Variants in ATP11B observed in about 807,000 individuals in gnomAD.
The protein encoded by ATP11B is ATPase phospholipid transporting 11B (putative).
Under a neutral mutation model 157.8 loss-of-function variants are expected in ATP11B, and 81 were observed. The ratio of observed to expected loss-of-function variants is 0.51; its 90% CI spans 0.43 to 0.62. The LOEUF is 0.62. Ranked by LOEUF, ATP11B falls within the 20% of genes least tolerant of loss-of-function variation. ATP11B has a pLI of 0.00. For missense variants in ATP11B, 1,165 were observed against 1,402.2 expected (o/e 0.83, Z 2.70); for synonymous variants, 451 against 469.4 (o/e 0.96, Z 0.51).
chr3:182,860,069 A>T (rs1441539462), intron 12 of ATP11B, among the ~76,000 whole-genome samples: 2 of 150,736 alleles, frequency 1.3e-5, no homozygotes, highest in Admixed American at 1.3e-4. Context: ...CTTTACCATC[A>T]CCCTGGAAAT....
intron 1 of ATP11B, among the ~76,000 whole-genome samples, chr3:182,811,554 C>T (rs182363541): frequency 6.6e-6 from 1 of 152,188 alleles, no homozygotes; most frequent in African/African-American, 2.4e-5. Context: ...TTTGGCTCAT[C>T]CCCCCAGAAG....
chr3:182,835,774 C>A (rs1461818464), intron 4 of ATP11B, among the ~76,000 whole-genome samples: 1 of 152,084 alleles, frequency 6.6e-6, no homozygotes, highest in Non-Finnish European at 1.5e-5. Context: ...ATAAAGGTGA[C>A]ATCGAAGGAG....
At chr3:182,912,856 G>A (rs931418719) in intron 28 of ATP11B, among the ~76,000 whole-genome samples, 8 of 152,142 alleles carry the variant, frequency 5.3e-5, no homozygotes, top group Admixed American at 3.3e-4. Context: ...CAAAAGATGT[G>A]TTACGTAGGA....
chr3:182,916,586 G>A (rs531791439), intron 29 of ATP11B: 77 of 985,250 alleles, frequency 7.8e-5, no homozygotes, highest in Non-Finnish European at 9.0e-5. Flanking sequence ...TTTTCTGTTC[G>A]TGTATTACTA....
At chr3:182,898,378 G>A (rs1006721074) in intron 27 of ATP11B, among the ~76,000 whole-genome samples, 15 of 152,164 alleles carry the variant, frequency 9.9e-5, no homozygotes, top group South Asian at 2.1e-4. Context: ...CTAAGATAGG[G>A]TTATCTGGTC....
intron 14 of ATP11B, among the ~76,000 whole-genome samples, chr3:182,866,817 A>G (rs1000622159): frequency 6.8e-6 from 1 of 146,356 alleles, no homozygotes; most frequent in Non-Finnish European, 1.5e-5. Context: ...ATATATTTTT[A>G]TATACATTTT....
chr3:182,865,456 G>A lies in ATP11B; in HGVS notation c.1201G>A (p.Val401Ile). ...TSDLNEELGQ[V>I]EYVFTDKTGT... Reference sequence around the variant, plus strand: ...TTTCTTTTGTTTTCTATCTCTATAGGTAGAGTACGTGTTTACAGATAAAAC... The same window carrying A: ...TTTCTTTTGTTTTCTATCTCTATAGATAGAGTACGTGTTTACAGATAAAAC... Residue 401 changes from valine (V) to isoleucine (I), a missense_variant and splice_region_variant, in exon 13 of 30, where the codon GTA (valine) becomes ATA (isoleucine). Val to Ile is a conservative substitution (Grantham distance 29, BLOSUM62 3). Transcript: ENST00000323116. 6.2e-7 allele frequency: 1 copy of A among 1,613,088 alleles called. No homozygotes were observed. The highest frequency in any genetic ancestry group is 8.5e-7 in the Non-Finnish European group (1 of 1,179,464).
intron 17 of ATP11B, 108 bp from the exon 18 acceptor site, chr3:182,872,248 A>G: frequency 1.4e-6 from 1 of 729,666 alleles, no homozygotes; most frequent in Non-Finnish European, 2.3e-6. Context: ...ATGATTTGTG[A>G]TTGACTTTTG....
At chr3:182,813,099 T>G (rs1560058856) in intron 1 of ATP11B, among the ~76,000 whole-genome samples, 1 of 152,216 alleles carries the variant, frequency 6.6e-6, no homozygotes, top group Admixed American at 6.5e-5. Flanking sequence ...ATACCACATT[T>G]TGTTTATTCA....
At chr3:182,890,615 C>T (rs1490969528) in intron 25 of ATP11B, among the ~76,000 whole-genome samples, 1 of 152,128 alleles carries the variant, frequency 6.6e-6, no homozygotes, top group Non-Finnish European at 1.5e-5. Flanking sequence ...ATAATTGCCA[C>T]TTCACTTTTG....
chr3:182,859,526 G>T (rs1429595344), intron 12 of ATP11B, among the ~76,000 whole-genome samples, 167 bp downstream of exon 12: 1 of 151,772 alleles, frequency 6.6e-6, no homozygotes, highest in South Asian at 2.1e-4. Context: ...TGTTTCTTTT[G>T]TTATTTACCA....
chr3:182,872,492 T>C lies in ATP11B; in HGVS notation c.2003T>C (p.Ile668Thr). Reference protein sequence around the residue: ...EEKLAAVFQFIEKDLILLGAT... With the variant: ...EEKLAAVFQFTEKDLILLGAT... ...AAATTGGCAGCTGTTTTCCAGTTCA[T>C]AGAGAAAGACCTGATATTACTTGGA... The change falls in exon 18 of 30, where the codon ATA becomes ACA. Residue 668 changes from isoleucine (I) to threonine (T), a missense_variant. Ile to Thr is a moderately conservative substitution (Grantham distance 89, BLOSUM62 -1). This residue lies in a region of ATP11B where 737 missense variants were observed against 930.5 expected (regional missense o/e 0.79). Coordinates refer to ENST00000323116, the MANE Select transcript of ATP11B (RefSeq NM_014616.3). The C allele has an allele frequency of 6.2e-7, 1 of 1,614,098 alleles. No individual in the cohort carries two copies. Among genetic ancestry groups the C allele is most frequent in the Non-Finnish European group, 8.5e-7 (1 of 1,179,984 alleles).
chr3:182,822,145 T>C (rs956893956), intron 2 of ATP11B, among the ~76,000 whole-genome samples: 3 of 152,076 alleles, frequency 2.0e-5, no homozygotes, highest in African/African-American at 7.2e-5. Flanking sequence ...ATACTTTAAG[T>C]TCTAGGGTAC....
At chr3:182,882,147 G>A (rs185476031) in intron 21 of ATP11B, among the ~76,000 whole-genome samples, 2 of 152,256 alleles carry the variant, frequency 1.3e-5, no homozygotes, top group East Asian at 1.9e-4. Flanking sequence ...TCTCTATAAT[G>A]TGCTGGATGG....
intron 25 of ATP11B, among the ~76,000 whole-genome samples, chr3:182,892,151 A>C (rs1723217681): frequency 6.6e-6 from 1 of 152,134 alleles, no homozygotes; most frequent in Non-Finnish European, 1.5e-5. Flanking sequence ...CTCTAATTCT[A>C]AAACATTGCT....
At chr3:182,872,975 T>C (rs186038148) in intron 18 of ATP11B, among the ~76,000 whole-genome samples, 145 of 152,348 alleles carry the variant, frequency 9.5e-4, no homozygotes, top group African/African-American at 3.2e-3. Context: ...ACCATCCCTC[T>C]GTGACTACCT....
At chr3:182,821,522 T>C (rs965757480) in intron 2 of ATP11B, among the ~76,000 whole-genome samples, 1 of 152,216 alleles carries the variant, frequency 6.6e-6, no homozygotes, top group African/African-American at 2.4e-5. Flanking sequence ...TTATATATTC[T>C]TCCTTGTTTC....
intron 2 of ATP11B, among the ~76,000 whole-genome samples, chr3:182,822,459 A>G (rs924976767): frequency 6.6e-6 from 1 of 152,078 alleles, no homozygotes; most frequent in African/African-American, 2.4e-5. Flanking sequence ...ATCCTTTTTT[A>G]TGGCTGCATA....
chr3:182,843,985 A>C (rs549425612), intron 8 of ATP11B: 3 of 152,306 alleles, frequency 2.0e-5, no homozygotes, highest in African/African-American at 7.2e-5. Context: ...TTTGATTTTT[A>C]TAGGGAAATA....
Sources: allele counts gnomAD v4.1 joint callset (sites outside exome capture counted in the v4.1 genomes callset), GRCh38; gene constraint gnomAD v4.1.1; regional missense constraint gnomAD v4.1.1; transcripts MANE v1.5; gene names NCBI Gene and HGNC (gene_info 2026-07-23, HGNC 2026-07-21).